Variants in CELF2 observed in about 807,000 individuals in gnomAD.
CELF2 encodes the protein CUGBP Elav-like family member 2, also known as CUG triplet repeat RNA-binding protein 2.
In CELF2, 8 loss-of-function variants were observed where a neutral mutation model predicts 62.6. The observed-to-expected ratio is 0.13, with a 90% confidence interval of 0.07 to 0.23. CELF2 has a LOEUF of 0.23. Ranked by LOEUF, CELF2 falls within the 10% of genes least tolerant of loss-of-function variation. The pLI, the probability that CELF2 is intolerant of heterozygous loss-of-function variation, is 1.00. For synonymous variants in CELF2, 258 were observed against 250.0 expected (o/e 1.03, Z -0.30); for missense variants, 333 against 671.0 (o/e 0.50, Z 5.56).
chr10:11,219,648 C>T (rs866445460), intron 3 of CELF2, among the ~76,000 whole-genome samples: 1 of 152,208 alleles, frequency 6.6e-6, no homozygotes, highest in African/African-American at 2.4e-5. Context: ...TCACATCTTG[C>T]ATTTATGTAC....
At chr10:10,710,056 CCA>C in the CELF2 span, among the ~76,000 whole-genome samples, 2 of 152,174 alleles carry the variant, frequency 1.3e-5, no homozygotes, top group African/African-American at 4.8e-5. Context: ...TTCTAGGACC[CCA>C]AAACAATGTT....
chr10:10,808,964 C>T (rs144657375), intron 1 of CELF2, among the ~76,000 whole-genome samples: 1 of 152,252 alleles, frequency 6.6e-6, no homozygotes, highest in East Asian at 1.9e-4. Context: ...TTGATCTTAG[C>T]AAGTCTTGAC....
rs185495234 is a variant in CELF2, at chr10:11,206,109, G to A, written c.272-11316G>A. 2.8e-4 allele frequency among the ~76,000 whole-genome samples: 42 copies of A among 152,290 alleles called. 1 individual carries two copies. Among genetic ancestry groups the A allele is most frequent in the African/African-American group, 9.4e-4 (39 of 41,564 alleles). ...CCTAGAACCCTTGAGTAATAAGTTAGAATACCACTGATAGGTGCTCAGGAA... is the reference window on the plus strand; with the variant it reads ...CCTAGAACCCTTGAGTAATAAGTTAAAATACCACTGATAGGTGCTCAGGAA... On this transcript the variant is annotated intron_variant, in intron 2 of 12. Transcript: ENST00000633077.
At chr10:11,030,180 A>G (rs1476750787) in intron 1 of CELF2, among the ~76,000 whole-genome samples, 1 of 152,064 alleles carries the variant, frequency 6.6e-6, no homozygotes, top group Non-Finnish European at 1.5e-5. Context: ...CTGTGGTTAC[A>G]TTTTCTGAAC....
At chr10:10,755,914 G>A in the CELF2 span, among the ~76,000 whole-genome samples, 5 of 152,210 alleles carry the variant, frequency 3.3e-5, no homozygotes, top group African/African-American at 7.2e-5. Flanking sequence ...TTTTTTACCC[G>A]AATAGAGTCA....
chr10:10,895,385 A>G (rs1485169582), intron 1 of CELF2, among the ~76,000 whole-genome samples: 1 of 152,234 alleles, frequency 6.6e-6, no homozygotes, highest in African/African-American at 2.4e-5. Context: ...AAACTTGAGA[A>G]TCTAGCTGAA....
chr10:11,071,052 A>G (rs1401978858), intron 1 of CELF2, among the ~76,000 whole-genome samples: 1 of 152,232 alleles, frequency 6.6e-6, no homozygotes, highest in Non-Finnish European at 1.5e-5. Flanking sequence ...GTAATATCAA[A>G]TGGCCAGATA....
At chr10:11,004,443 G>GT (rs1429660525), upstream of CELF2, among the ~76,000 whole-genome samples, 4 of 152,032 alleles carry the variant, frequency 2.6e-5, no homozygotes, top group Admixed American at 2.6e-4. This position sits in a 1 kb window ranked among gnomAD's most constrained non-coding sequence, Gnocchi z 5.0. Flanking sequence ...GTGTGTGTGT[G>GT]TGTTGTTATT....
At chr10:10,486,593 A>G in the CELF2 span, among the ~76,000 whole-genome samples, 38 of 152,222 alleles carry the variant, frequency 2.5e-4, no homozygotes, top group African/African-American at 8.7e-4. Flanking sequence ...TATTTGCATT[A>G]TACTTACCTG....
intron 8 of CELF2, among the ~76,000 whole-genome samples, chr10:11,282,040 C>T (rs981067484): frequency 2.0e-5 from 3 of 152,108 alleles, no homozygotes; most frequent in African/African-American, 7.2e-5. Flanking sequence ...CAAGGCCACT[C>T]CCAGTGGATA....
rs982571835 is a variant in CELF2, at chr10:11,159,261, A to G, written c.75-6225A>G. On this transcript the variant is annotated intron_variant, in intron 1 of 12. Transcript: ENST00000633077. The surrounding 1 kb of genome is among the most constrained non-coding windows in gnomAD (Gnocchi z 5.0). ...ATTTTTGGTGGCGTAACTGATAACCAAAACATTTTGTTAAATTTACCCAAA... is the reference window on the plus strand; with the variant it reads ...ATTTTTGGTGGCGTAACTGATAACCGAAACATTTTGTTAAATTTACCCAAA... Among the ~76,000 whole-genome samples the G allele has an allele frequency of 6.6e-6, 1 of 152,258 alleles. No homozygotes were observed. The highest frequency in any genetic ancestry group is 1.5e-5 in the Non-Finnish European group (1 of 68,034).
rs2059066886 is a variant in CELF2 at position 10,847,156 on chromosome 10, G to GTA, written c.53+48348_53+48349dup. Among the ~76,000 whole-genome samples, 4 of 151,086 alleles carry GTA rather than the reference G, an allele frequency of 2.6e-5. No individual in the cohort carries two copies. In the South Asian group the frequency reaches 8.4e-4, roughly 32 times the overall value. ...ATATAGTAATATCTATTTATATTAGGTATATATATAAAATAAGTAATGTAT... is the reference window on the plus strand; with the variant it reads ...ATATAGTAATATCTATTTATATTAGGTATATATATATAAAATAAGTAATGTAT... On this transcript the variant is annotated intron_variant, in intron 1 of 13. Coordinates refer to the CELF2 transcript ENST00000636488.
At chr10:10,680,859 G>A in the CELF2 span, among the ~76,000 whole-genome samples, 1 of 152,026 alleles carries the variant, frequency 6.6e-6, no homozygotes, top group Non-Finnish European at 1.5e-5. Context: ...ATGTTTATGT[G>A]TTTATATCTT....
At chr10:11,022,049 C>T (rs377420374) in intron 1 of CELF2, among the ~76,000 whole-genome samples, 26 of 152,226 alleles carry the variant, frequency 1.7e-4, no homozygotes, top group African/African-American at 6.3e-4. Context: ...TTTTTCTCCT[C>T]CATGGGCATT....
chr10:10,888,909 A>T (rs1043044483), intron 1 of CELF2, among the ~76,000 whole-genome samples: 1 of 152,150 alleles, frequency 6.6e-6, no homozygotes, highest in South Asian at 2.1e-4. Context: ...GGCTTCTTGG[A>T]GCGGGGACCA....
chr10:10,604,389 C>A, the CELF2 span, among the ~76,000 whole-genome samples: 1 of 152,162 alleles, frequency 6.6e-6, no homozygotes, highest in Non-Finnish European at 1.5e-5. Context: ...AAGTTGAAAT[C>A]ATCAGGTTCT....
the CELF2 span, among the ~76,000 whole-genome samples, chr10:10,640,946 G>A: frequency 6.6e-6 from 1 of 152,036 alleles, no homozygotes; most frequent in Non-Finnish European, 1.5e-5. Flanking sequence ...TTGGCTTTGA[G>A]GGCCAAAGAG....
chr10:10,916,735 C>T (rs999982116), intron 1 of CELF2, among the ~76,000 whole-genome samples: 2 of 152,154 alleles, frequency 1.3e-5, no homozygotes, highest in Non-Finnish European at 2.9e-5. Flanking sequence ...GCCTCAGCCT[C>T]CCGAGTAGCT....
At chr10:10,690,007 G>A in the CELF2 span, among the ~76,000 whole-genome samples, 1 of 152,184 alleles carries the variant, frequency 6.6e-6, no homozygotes, top group African/African-American at 2.4e-5. Context: ...TTGAGAATGA[G>A]GTTTAAACTG....
Sources: gnomAD v4.1 joint callset for allele counts (sites outside exome capture counted in the v4.1 genomes callset) on GRCh38, gnomAD v4.1.1 for gene constraint, Gnocchi (gnomAD v3.1) non-coding constraint, MANE v1.5 for transcripts, NCBI Gene and HGNC (gene_info 2026-07-23, HGNC 2026-07-21) for gene names.